The following ORC4 variants were observed in gnomAD, a reference collection of about 807,000 sequenced individuals.
ORC4 encodes origin recognition complex, subunit 4 homolog.
Under a neutral mutation model 63.9 loss-of-function variants are expected in ORC4, and 55 were observed. The observed-to-expected ratio is 0.86, with a 90% CI of 0.69 to 1.08. The LOEUF (loss-of-function observed/expected upper bound fraction) is 1.08. ORC4 is among the 50% of genes least tolerant of loss of function. The pLI is 0.00. For synonymous variants in ORC4, 150 were observed against 168.5 expected (o/e 0.89, Z 0.85); for missense variants, 511 against 504.4 (o/e 1.01, Z -0.13).
Position 147,943,474 on chromosome 2 carries a change from T to G in ORC4, c.811A>C (p.Asn271His), listed in dbSNP as rs1226758153. 6.2e-7 allele frequency: 1 copy of G among 1,608,000 alleles called. No homozygotes were observed. Among genetic ancestry groups the G allele is most frequent in the Non-Finnish European group, 8.5e-7 (1 of 1,175,280 alleles). The part of the protein sequence containing the change: ...SVQEVLQKHF[N>H]ISKNLRSLHM... ...AATGACCGCAGGTTTTTGCTGATAT[T>G]GAAATGCTTCTGTAGTACTTCTTGC... The change falls in exon 10 of 14, where the codon AAT becomes CAT. Residue 271 changes from asparagine to histidine, a missense_variant. Asn to His is a moderately conservative substitution (Grantham distance 68). Coordinates refer to ENST00000392857, the MANE Select transcript of ORC4 (RefSeq NM_181741.4).
intron 1 of ORC4, among the ~76,000 whole-genome samples, chr2:148,009,120 A>G (rs1334094173): frequency 6.6e-6 from 1 of 152,100 alleles, no homozygotes; most frequent in African/African-American, 2.4e-5. Context: ...ATAAATTGTT[A>G]TTTGCTAACC....
At chr2:148,010,945 C>T (rs1300259293) in intron 1 of ORC4, among the ~76,000 whole-genome samples, 1 of 149,204 alleles carries the variant, frequency 6.7e-6, no homozygotes, top group African/African-American at 2.5e-5. Context: ...TCTCCTGCCT[C>T]AGCCTCCAGA....
intron 1 of ORC4, among the ~76,000 whole-genome samples, chr2:147,983,597 A>G (rs556445018): frequency 2.0e-5 from 3 of 152,316 alleles, no homozygotes; most frequent in East Asian, 1.9e-4. Flanking sequence ...TGTCAACACT[A>G]TGGAAAAACC....
intron 1 of ORC4, among the ~76,000 whole-genome samples, chr2:147,979,937 A>C (rs1690775560): frequency 6.6e-6 from 1 of 152,188 alleles, no homozygotes; most frequent in African/African-American, 2.4e-5. Context: ...AAATGGATTA[A>C]AGACAAACAT....
chr2:148,007,889 C>T lies in ORC4; in HGVS notation c.-18+12744G>A, dbSNP rs189104201. 1.8e-4 allele frequency among the ~76,000 whole-genome samples: 28 copies of T among 152,268 alleles called. No individual in the cohort carries two copies. In the East Asian group the frequency reaches 3.5e-3, roughly 19 times the overall value. ...ATCTGGCAGCAAACTTCAGCAGAAA[C>T]GCTACAGGCCAGAAGAGAGTAGGAT... On this transcript the variant is annotated intron_variant, in intron 1 of 13. Transcript: ENST00000392857.
At chr2:148,018,360 A>T (rs191094347) in intron 1 of ORC4, among the ~76,000 whole-genome samples, 2 of 152,342 alleles carry the variant, frequency 1.3e-5, no homozygotes, top group East Asian at 3.9e-4. Flanking sequence ...CTGTCGGGGT[A>T]TACATTGGTG....
chr2:147,962,112 G>A (rs568412812), intron 4 of ORC4, among the ~76,000 whole-genome samples: 7 of 152,190 alleles, frequency 4.6e-5, no homozygotes, highest in African/African-American at 1.2e-4. Flanking sequence ...GTAGGCACCT[G>A]GCCTCTGCAG....
chr2:147,978,907 T>C (rs545119901), intron 1 of ORC4, among the ~76,000 whole-genome samples: 56 of 152,280 alleles, frequency 3.7e-4, no homozygotes, highest in African/African-American at 1.2e-3. Context: ...CAGAATTCAA[T>C]ATTCCTTCAG....
In ORC4 at chr2:147,935,468, G is replaced by A; in HGVS notation, c.*42C>T. ...GGACAATAGTTTTCCGTTCTCTACA[G>A]AAGTATGAATGAAATGCCAAAGTTG... On this transcript the variant is annotated 3_prime_UTR_variant, in exon 14 of 14. Transcript: ENST00000392857. 2 of 1,415,000 alleles carry A rather than the reference G, an allele frequency of 1.4e-6. No homozygotes were observed. The highest frequency in any genetic ancestry group is 2.0e-6 in the Non-Finnish European group (2 of 998,840). 87.7% of individuals were successfully genotyped at this position (1,415,000 alleles called of 1,614,324 possible). A position where few individuals can be genotyped will look rare whatever the true frequency, so the allele number is the denominator to read the frequency against.
chr2:147,943,413 A>T (rs769176559), intron 10 of ORC4, 23 bp downstream of exon 10: 1 of 1,470,526 alleles, frequency 6.8e-7, no homozygotes, highest in South Asian at 1.1e-5. Context: ...AGCAACAAGC[A>T]ATAAAACAAA....
At chr2:148,010,732 C>G (rs1340552605) in intron 1 of ORC4, among the ~76,000 whole-genome samples, 3 of 152,080 alleles carry the variant, frequency 2.0e-5, no homozygotes, top group African/African-American at 7.2e-5. Context: ...GCCAGGACTT[C>G]ATGGCTTCAC....
At position 147,932,484 on chromosome 2, in the gene ORC4, C is replaced by T. The variant is rs567951075; in HGVS notation, c.*3026G>A. ...AGTTCATATGGAACCAAAAAAGAGC[C>T]CACATCGCCAAGGCAATCCTAAGCT... is the stretch of plus-strand genomic sequence containing the variant. On this transcript the variant is annotated 3_prime_UTR_variant, in exon 14 of 14. Coordinates refer to ENST00000392857, the MANE Select transcript of ORC4 (RefSeq NM_181741.4). 3 of 152,158 alleles carry T rather than the reference C, an allele frequency of 2.0e-5. No homozygotes were observed. The highest frequency in any genetic ancestry group is 7.2e-5 in the African/African-American group (3 of 41,508). The allele number at this position is 152,158 out of a possible 1,614,324, so 9.4% of individuals were successfully genotyped here.
intron 7 of ORC4, among the ~76,000 whole-genome samples, chr2:147,953,481 TTTAAGA>T (rs768347014): frequency 6.6e-6 from 1 of 152,166 alleles, no homozygotes; most frequent in African/African-American, 2.4e-5. Context: ...ACCAAAACAC[TTTAAGA>T]TTAAAATATA....
intron 1 of ORC4, among the ~76,000 whole-genome samples, chr2:147,989,068 A>G (rs1691406215): frequency 6.6e-6 from 1 of 152,248 alleles, no homozygotes; most frequent in South Asian, 2.1e-4. Context: ...CAAAATTAAT[A>G]ACATACATAG....
chr2:147,980,613 T>C (rs945815572), intron 1 of ORC4, among the ~76,000 whole-genome samples: 1 of 152,160 alleles, frequency 6.6e-6, no homozygotes, highest in Non-Finnish European at 1.5e-5. Flanking sequence ...ATTCTCAGTG[T>C]TACTAATTGT....
In ORC4 at chr2:147,952,454, G is replaced by T. The variant is rs200458546; in HGVS notation, c.507C>A (p.Asn169Lys). ...CAAAAAGATTATAGAGAAGTGTTTG[G>T]TTTTTATGATGAGCAAAAAGATCAA... ...DEFDLFAHHK[N>K]QTLLYNLFDI... is the part of the protein sequence containing the mutation. Residue 169 changes from asparagine (N) to lysine (K), a missense_variant, in exon 8 of 14, where the codon AAC becomes AAA. Transcript: ENST00000392857. 8 of 1,610,980 alleles carry T rather than the reference G, an allele frequency of 5.0e-6. No individual in the cohort carries two copies. In the South Asian group the frequency reaches 6.6e-5, roughly 13 times the overall value.
At chr2:147,939,531 G>A (rs1688248108) in intron 10 of ORC4, among the ~76,000 whole-genome samples, 1 of 152,066 alleles carries the variant, frequency 6.6e-6, no homozygotes, top group African/African-American at 2.4e-5. Flanking sequence ...TTAAAGAGGA[G>A]TAGGTCAAGG....
intron 1 of ORC4, among the ~76,000 whole-genome samples, chr2:148,003,350 G>T (rs1692433386): frequency 6.6e-6 from 1 of 152,174 alleles, no homozygotes; most frequent in African/African-American, 2.4e-5. Context: ...GAACATCAAT[G>T]CAAAAATCCT....
Position 147,951,801 on chromosome 2 carries a change from C to T in ORC4, c.588+572G>A, listed in dbSNP as rs148098814. Among the ~76,000 whole-genome samples, 72 of 152,272 alleles carry T rather than the reference C, an allele frequency of 4.7e-4. 1 individual carries two copies. In the East Asian group the frequency reaches 0.013, roughly 28 times the overall value. On this transcript the variant is annotated intron_variant, in intron 8 of 13. Transcript: ENST00000392857. ...GAAGGTAAACACAAAAAGGCCTGTA[C>T]TGCTGTCCAAAGGTACACATGGTTC... is the stretch of plus-strand genomic sequence containing the variant.
Sources: gnomAD v4.1 joint callset for allele counts (sites outside exome capture counted in the v4.1 genomes callset) on GRCh38, gnomAD v4.1.1 for gene constraint, MANE v1.5 for transcripts, NCBI Gene and HGNC (gene_info 2026-07-23, HGNC 2026-07-21) for gene names.